The following MYO15A variants were observed in gnomAD, a reference collection of about 807,000 sequenced individuals.
MYO15A encodes unconventional myosin-XV.
MYO15A carries 308 observed loss-of-function variants against 394.6 expected under a neutral mutation model. That is an observed-to-expected ratio of 0.78 (90% CI 0.71 to 0.86). The LOEUF (loss-of-function observed/expected upper bound fraction) is 0.86. Among genes scored for constraint, MYO15A ranks in the 40% least tolerant of loss-of-function variants. The probability of loss-of-function intolerance (pLI) is 0.00; values close to 1 mark genes in which losing one functional copy is unlikely to be tolerated. For synonymous variants in MYO15A, 1,957 were observed against 2,003.8 expected, an observed-to-expected ratio of 0.98 and a Z score of 0.62; for missense variants, 4,606 against 4,799.1, an observed-to-expected ratio of 0.96 and a Z score of 1.19.
In MYO15A at chr17:18,163,167, C is replaced by T. The variant is rs530149394; in HGVS notation, c.9613-77C>T. On this transcript the variant is annotated intron_variant, in intron 58 of 65. Coordinates refer to ENST00000647165, the MANE Select transcript of MYO15A (RefSeq NM_016239.4). ...AGCCCAGGATCCTTTGGCTTGGGAA[C>T]TCCCAGGGCAGGAGACAAGGGCTGT... 2.7e-4 allele frequency: 396 copies of T among 1,489,302 alleles called. No individual in the cohort carries two copies. In the Middle Eastern group the frequency reaches 4.2e-3, roughly 16 times the overall value. 92.3% of individuals were successfully genotyped at this position (1,489,302 alleles called of 1,614,324 possible). A position where few individuals can be genotyped will look rare whatever the true frequency, so the allele number is the denominator to read the frequency against.
In MYO15A at chr17:18,162,674, A is replaced by G. The variant is rs371884853; in HGVS notation, c.9607A>G (p.Met3203Val). 4 of 1,613,936 alleles carry G rather than the reference A, an allele frequency of 2.5e-6. No homozygotes were observed. The highest frequency in any genetic ancestry group is 2.5e-6 in the Non-Finnish European group (3 of 1,179,902). The change falls in exon 58 of 66, where the codon ATG becomes GTG. Residue 3203 changes from methionine to valine, a missense_variant. Around this residue, in one of 2 missense-constraint regions of MYO15A, gnomAD observed 2,776 missense variants for 3,109.3 expected, o/e 0.89. Transcript: ENST00000647165. ...CCCCAGCAGCATAGAGCTTCGGGCC[A>G]TGTTGGTGAGCATAGGGTGGGAGTG... is the stretch of plus-strand genomic sequence containing the variant. ...ELPSSIELRAMLAGRSSKRQL... is the reference protein window; with the variant it reads ...ELPSSIELRAVLAGRSSKRQL...
At chr17:18,146,142 G>A (rs1040670572) in intron 30 of MYO15A, 35 bp downstream of exon 30, 10 of 1,601,342 alleles carry the variant, frequency 6.2e-6, no homozygotes, top group Non-Finnish European at 7.7e-6. Flanking sequence ...GGACACGAGG[G>A]ACGGTGGCAC....
intron 65 of MYO15A, 85 bp from the exon 66 acceptor site, chr17:18,178,684 A>AC: frequency 7.5e-7 from 1 of 1,337,678 alleles, no homozygotes; most frequent in Non-Finnish European, 1.1e-6. Context: ...CTATCTCCCA[A>AC]CCACCTCTCC....
chr17:18,167,785 C>G (rs1357692464), intron 62 of MYO15A, 62 bp downstream of exon 62: 2 of 1,594,560 alleles, frequency 1.3e-6, no homozygotes, highest in Admixed American at 3.4e-5. Flanking sequence ...CTCAGCCCAC[C>G]TCCACCCTCC....
intron 59 of MYO15A, 97 bp downstream of exon 59, chr17:18,163,418 G>C: frequency 7.8e-7 from 1 of 1,275,776 alleles, no homozygotes; most frequent in Non-Finnish European, 1.1e-6. Flanking sequence ...CCCCAATGAT[G>C]CTGAGCCCTC....
In MYO15A at chr17:18,120,769, T is replaced by G. The variant is rs1330168366; in HGVS notation, c.1969T>G (p.Trp657Gly). The change falls in exon 2 of 66, where the codon TGG (tryptophan) becomes GGG (glycine). Residue 657 changes from tryptophan (W) to glycine (G), a missense_variant. Trp to Gly is a radical substitution (Grantham distance 184, BLOSUM62 -2). Transcript: ENST00000647165. ...PQPAPRTLSHWSALLSPPVPP... is the reference protein window; with the variant it reads ...PQPAPRTLSHGSALLSPPVPP... ...GCCCGCGCCCAGGACCCTCTCCCAC[T>G]GGAGCGCGCTCCTGTCTCCGCCCGT... The G allele has an allele frequency of 7.0e-7, 1 of 1,435,538 alleles. No homozygotes were observed. The highest frequency in any genetic ancestry group is 9.1e-7 in the Non-Finnish European group (1 of 1,104,478). 88.9% of individuals were successfully genotyped at this position (1,435,538 alleles called of 1,614,324 possible). A position where few individuals can be genotyped will look rare whatever the true frequency, so the allele number is the denominator to read the frequency against.
At chr17:18,178,742 G>A (rs1567670357) in intron 65 of MYO15A, 27 bp from the exon 66 acceptor site, 1 of 1,606,952 alleles carries the variant, frequency 6.2e-7, no homozygotes, top group Non-Finnish European at 8.5e-7. Flanking sequence ...GTGTTGGATG[G>A]GCGTGGACTG....
rs1597803656 is a variant in MYO15A, at chr17:18,151,200, G to C, written c.7564G>C (p.Ala2522Pro). Residue 2522 changes from alanine (A) to proline (P), a missense_variant, in exon 39 of 66, where the codon GCC (alanine) becomes CCC (proline). Transcript: ENST00000647165. ...VLLRATPKPL[A>P]PAPLAKAPRL... ...CCTGCGTGCCACTCCAAAGCCCTTGGCCCCAGCCCCTCTGGCCAAGGCTCC... is the reference window on the plus strand; with the variant it reads ...CCTGCGTGCCACTCCAAAGCCCTTGCCCCCAGCCCCTCTGGCCAAGGCTCC... The C allele has an allele frequency of 6.2e-7, 1 of 1,614,056 alleles. No individual in the cohort carries two copies. Among genetic ancestry groups the C allele is most frequent in the Non-Finnish European group, 8.5e-7 (1 of 1,180,012 alleles).
Position 18,148,385 on chromosome 17 carries a change from G to A in MYO15A, c.6692-111G>A. 6.8e-7 allele frequency: 1 copy of A among 1,472,036 alleles called. No individual in the cohort carries two copies. The highest frequency in any genetic ancestry group is 9.3e-7 in the Non-Finnish European group (1 of 1,079,828). The allele number at this position is 1,472,036 out of a possible 1,614,324, so 91.2% of individuals were successfully genotyped here. A position where few individuals can be genotyped will look rare whatever the true frequency, so the allele number is the denominator to read the frequency against. ...GACCTGGCCCAGGAAAGGGGAGCCA[G>A]GGAAGTGAGGCTACAGATACAGGAA... On this transcript the variant is annotated intron_variant, in intron 31 of 65. Transcript: ENST00000647165. The surrounding 1 kb of genome is among the most constrained non-coding windows in gnomAD (Gnocchi z 4.8).
rs1189326458 is a variant in MYO15A at position 18,121,824 on chromosome 17, C to A, written c.3024C>A (p.Thr1008=). The change falls in exon 2 of 66, where the codon ACC becomes ACA. Residue 1008 remains threonine, a synonymous_variant. Transcript: ENST00000647165. This position sits in a 1 kb window ranked among gnomAD's most constrained non-coding sequence, Gnocchi z 5.3. ...AGCTCACCAAATCAGCTGGCCCAAC[C>A]CCTGAGAAGCCTGAAGAAGAGGCCA... The part of the protein sequence containing the change: ...PGQLTKSAGP[T]PEKPEEEATL... 1.9e-6 allele frequency: 3 copies of A among 1,612,870 alleles called. No individual in the cohort carries two copies. The South Asian group carries it at 3.3e-5, about 18-fold the overall frequency.
chr17:18,111,878 C>T (rs889057347), intron 1 of MYO15A, among the ~76,000 whole-genome samples: 6 of 152,318 alleles, frequency 3.9e-5, no homozygotes, highest in South Asian at 4.1e-4. Flanking sequence ...GAGACTCCAA[C>T]GCTGAGGCTG....
Position 18,133,304 on chromosome 17 carries a change from TCAG to T in MYO15A, c.4404_4406del (p.Ser1469del). The T allele has an allele frequency of 6.2e-7, 1 of 1,614,194 alleles. No homozygotes were observed. Among genetic ancestry groups the T allele is most frequent in the South Asian group, 1.1e-5 (1 of 91,082 alleles). ...CTGGCTGCCATGGAGGTGTTGGGCTTCAGCAGTGAGGACCAGGACAGCATCTTC... is the reference window on the plus strand; with the variant it reads ...CTGGCTGCCATGGAGGTGTTGGGCTTCAGTGAGGACCAGGACAGCATCTTC... On this transcript the variant is annotated inframe_deletion, in exon 12 of 66. Transcript: ENST00000647165.
chr17:18,138,482 G>A (rs1226398891), intron 17 of MYO15A, among the ~76,000 whole-genome samples: 1 of 152,232 alleles, frequency 6.6e-6, no homozygotes, highest in Non-Finnish European at 1.5e-5. Context: ...CCTGGAGTAG[G>A]TAACCTTGGA....
In MYO15A at chr17:18,148,344, C is replaced by CTG; in HGVS notation, c.6691+141_6691+142dup. 6.8e-7 allele frequency: 1 copy of CTG among 1,462,874 alleles called. No homozygotes were observed. 90.6% of individuals were successfully genotyped at this position (1,462,874 alleles called of 1,614,324 possible). A position where few individuals can be genotyped will look rare whatever the true frequency, so the allele number is the denominator to read the frequency against. Reference sequence around the variant, plus strand: ...CTCAGATGTGGCTCTGCGTGAAAGTCTGTGTGTGGGGGTGGGACCTGGCCC... The same window carrying CTG: ...CTCAGATGTGGCTCTGCGTGAAAGTCTGTGTGTGTGGGGGTGGGACCTGGCCC... On this transcript the variant is annotated intron_variant, in intron 31 of 65. Coordinates refer to ENST00000647165, the MANE Select transcript of MYO15A (RefSeq NM_016239.4). This position sits in a 1 kb window ranked among gnomAD's most constrained non-coding sequence, Gnocchi z 4.8.
At position 18,121,283 on chromosome 17, in the gene MYO15A, G is replaced by A. The variant is rs1020210171; in HGVS notation, c.2483G>A (p.Arg828Gln). Residue 828 changes from arginine to glutamine, a missense_variant, in exon 2 of 66, where the codon CGA becomes CAA. Transcript: ENST00000647165. The surrounding 1 kb of genome is among the most constrained non-coding windows in gnomAD (Gnocchi z 5.3). ...CTGCAGGAGTCCCCAGCCCCACGCC[G>A]AGCCGCTGGGCGCCTGGGCCCACCC... ...RSLQESPAPRRAAGRLGPPGS... is the reference protein window; with the variant it reads ...RSLQESPAPRQAAGRLGPPGS... 2.9e-6 allele frequency: 4 copies of A among 1,360,932 alleles called. No individual in the cohort carries two copies. The African/African-American group carries it at 4.7e-5, about 16-fold the overall frequency. 84.3% of individuals were successfully genotyped at this position (1,360,932 alleles called of 1,614,324 possible).
Position 18,133,493 on chromosome 17 carries a change from T to C in MYO15A, c.4482+107T>C, listed in dbSNP as rs1177235599. On this transcript the variant is annotated intron_variant, in intron 12 of 65. Transcript: ENST00000647165. The stretch of plus-strand genomic sequence containing the variant: ...TCAGATTACACTATGCACATATCAC[T>C]TGTTCCTGTTTTTTTCTTTTTTCCT... 8 of 1,404,094 alleles carry C rather than the reference T, an allele frequency of 5.7e-6. No homozygotes were observed. The East Asian group carries it at 1.9e-4, about 34-fold the overall frequency. The allele number at this position is 1,404,094 out of a possible 1,614,324, so 87.0% of individuals were successfully genotyped here. A position where few individuals can be genotyped will look rare whatever the true frequency, so the allele number is the denominator to read the frequency against.
At chr17:18,131,172 GC>G in intron 8 of MYO15A, 66 bp from the exon 9 acceptor site, 2 of 1,378,476 alleles carry the variant, frequency 1.5e-6, no homozygotes, top group Non-Finnish European at 2.1e-6. Flanking sequence ...CCCCAGCTAT[GC>G]CCCCCACCCA....
At chr17:18,158,408 G>A in intron 51 of MYO15A, 115 bp from the exon 52 acceptor site, 1 of 868,832 alleles carries the variant, frequency 1.2e-6, no homozygotes, top group South Asian at 1.6e-5. Context: ...GGATGGGTGG[G>A]TGGGCGGCTT....
chr17:18,172,061 C>T, intron 63 of MYO15A, 96 bp from the exon 64 acceptor site: 5 of 1,599,244 alleles, frequency 3.1e-6, no homozygotes, highest in Non-Finnish European at 4.3e-6. Flanking sequence ...TCTGCACTGG[C>T]TGGACACAGC....
Sources: allele counts gnomAD v4.1 joint callset (sites outside exome capture counted in the v4.1 genomes callset), GRCh38; gene constraint gnomAD v4.1.1; regional missense constraint gnomAD v4.1.1; non-coding constraint Gnocchi (gnomAD v3.1); transcripts MANE v1.5; gene names NCBI Gene and HGNC (gene_info 2026-07-23, HGNC 2026-07-21).